The following PDE10A variants were observed in gnomAD, a reference collection of about 807,000 sequenced individuals.
PDE10A encodes cAMP and cAMP-inhibited cGMP 3',5'-cyclic phosphodiesterase 10A.
A neutral mutation model predicts 97.7 loss-of-function variants in PDE10A; 39 were observed. The ratio of observed to expected loss-of-function variants is 0.40; its 90% CI spans 0.31 to 0.52. The LOEUF is 0.52. Among genes scored for constraint, PDE10A ranks in the 20% least tolerant of loss-of-function variants. The pLI is 0.56. For missense variants in PDE10A, 731 were observed against 1,047.8 expected, an observed-to-expected ratio of 0.70 and a Z score of 4.17; for synonymous variants, 371 against 376.8, an observed-to-expected ratio of 0.98 and a Z score of 0.18.
At chr6:165,383,132 A>C (rs1785040666) in intron 17 of PDE10A, among the ~76,000 whole-genome samples, 1 of 152,204 alleles carries the variant, frequency 6.6e-6, no homozygotes, top group African/African-American at 2.4e-5. Flanking sequence ...ATCACATTTC[A>C]AAAGCAACAG....
At chr6:165,562,808 A>C (rs1784583883) in intron 1 of PDE10A, among the ~76,000 whole-genome samples, 1 of 152,104 alleles carries the variant, frequency 6.6e-6, no homozygotes. Flanking sequence ...CAGCTGGGAG[A>C]ATCTTTAGTC....
chr6:165,935,407 G>A (rs1426375302), intron 1 of PDE10A, among the ~76,000 whole-genome samples: 1 of 152,212 alleles, frequency 6.6e-6, no homozygotes. Context: ...TTGTCTTATA[G>A]CAAGTGGTAA....
chr6:165,839,016 G>A (rs1043355409), intron 1 of PDE10A, among the ~76,000 whole-genome samples: 2 of 152,192 alleles, frequency 1.3e-5, no homozygotes, highest in Admixed American at 1.3e-4. Flanking sequence ...GACATTTGTG[G>A]CTGTCCATGG....
chr6:165,931,711 G>A (rs555736789), intron 1 of PDE10A, among the ~76,000 whole-genome samples: 38 of 152,284 alleles, frequency 2.5e-4, no homozygotes, highest in Middle Eastern at 3.4e-3. Flanking sequence ...TGTGGAAAAG[G>A]TTCTACATGA....
chr6:165,719,948 T>C (rs1792124053), intron 1 of PDE10A, among the ~76,000 whole-genome samples: 1 of 152,184 alleles, frequency 6.6e-6, no homozygotes, highest in Non-Finnish European at 1.5e-5. Context: ...TAGCCAATAA[T>C]CATGATCTCA....
intron 1 of PDE10A, among the ~76,000 whole-genome samples, chr6:165,549,368 A>C (rs530956153): frequency 1.3e-4 from 20 of 152,306 alleles, no homozygotes; most frequent in Non-Finnish European, 8.8e-5. Flanking sequence ...TGTGTCACCC[A>C]GGCTGGAGTG....
At chr6:165,799,293 G>GT (rs1367565640) in intron 1 of PDE10A, among the ~76,000 whole-genome samples, 4 of 152,156 alleles carry the variant, frequency 2.6e-5, no homozygotes, top group African/African-American at 9.7e-5. Flanking sequence ...TACCCCACTG[G>GT]TTTTTACCTC....
At chr6:165,605,012 T>C (rs1190859869) in intron 1 of PDE10A, among the ~76,000 whole-genome samples, 8 of 152,242 alleles carry the variant, frequency 5.3e-5, no homozygotes, top group Non-Finnish European at 1.0e-4. Context: ...ACATTAGAAG[T>C]GTGGTAGCTC....
chr6:165,970,954 C>A (rs1325496804), intron 1 of PDE10A, among the ~76,000 whole-genome samples: 5 of 152,158 alleles, frequency 3.3e-5, no homozygotes, highest in African/African-American at 1.2e-4. Context: ...CGAGACCCAG[C>A]CTGGCCAACA....
chr6:165,841,422 G>A (rs558428299), intron 1 of PDE10A, among the ~76,000 whole-genome samples: 1 of 152,326 alleles, frequency 6.6e-6, no homozygotes, highest in South Asian at 2.1e-4. Context: ...TGTGGATGTT[G>A]CAGTTGGGGC....
At position 165,388,242 on chromosome 6, in the gene PDE10A, C is replaced by T; in HGVS notation, c.2610+56G>A. The T allele has an allele frequency of 6.5e-7, 1 of 1,530,162 alleles. No homozygotes were observed. Among genetic ancestry groups the T allele is most frequent in the African/African-American group, 1.4e-5 (1 of 73,258 alleles). The allele number at this position is 1,530,162 out of a possible 1,614,324, so 94.8% of individuals were successfully genotyped here. ...TCTTCCTTTTCCACCTATGAAGTAT[C>T]CCTATCTCCCAGACAGCCCTTCAGA... On this transcript the variant is annotated intron_variant, in intron 17 of 21. Coordinates refer to ENST00000539869, the MANE Select transcript of PDE10A (RefSeq NM_001385079.1). The surrounding 1 kb of genome is among the most constrained non-coding windows in gnomAD (Gnocchi z 4.0).
At chr6:165,613,955 C>A (rs1787610849) in intron 1 of PDE10A, among the ~76,000 whole-genome samples, 1 of 152,168 alleles carries the variant, frequency 6.6e-6, no homozygotes, top group Non-Finnish European at 1.5e-5. Context: ...CGCTGACAGT[C>A]ACGCATCATT....
chr6:165,779,062 T>A (rs940441241), intron 1 of PDE10A, among the ~76,000 whole-genome samples: 2 of 152,248 alleles, frequency 1.3e-5, no homozygotes, highest in Admixed American at 1.3e-4. Context: ...TTATGGGTAG[T>A]GCTTTTAGTT....
intron 1 of PDE10A, among the ~76,000 whole-genome samples, chr6:165,609,771 G>A (rs910003578): frequency 2.0e-4 from 31 of 152,256 alleles, no homozygotes; most frequent in African/African-American, 7.0e-4. Flanking sequence ...GCTTCAAAGA[G>A]AATAAAATAC....
At chr6:165,808,055 G>A (rs548890384) in intron 1 of PDE10A, among the ~76,000 whole-genome samples, 3 of 152,262 alleles carry the variant, frequency 2.0e-5, no homozygotes, top group East Asian at 3.9e-4. Context: ...GTGTGCAGCC[G>A]AATTTCTACG....
chr6:165,804,640 G>C (rs1466471250), intron 1 of PDE10A, among the ~76,000 whole-genome samples: 1 of 152,166 alleles, frequency 6.6e-6, no homozygotes, highest in East Asian at 1.9e-4. Context: ...AAACCCGGGG[G>C]CCTTGGCCTG....
chr6:165,519,320 AAG>A (rs1332990935), intron 2 of PDE10A, among the ~76,000 whole-genome samples: 1 of 152,170 alleles, frequency 6.6e-6, no homozygotes, highest in Non-Finnish European at 1.5e-5. Context: ...AAAAATCTAA[AAG>A]AGTTAGAATC....
chr6:165,900,733 C>T (rs1782080341), intron 1 of PDE10A, among the ~76,000 whole-genome samples: 1 of 152,196 alleles, frequency 6.6e-6, no homozygotes, highest in African/African-American at 2.4e-5. Flanking sequence ...AGTTTACTTC[C>T]CCCTTCTAGG....
At chr6:165,390,755 A>G (rs1360357052) in intron 16 of PDE10A, among the ~76,000 whole-genome samples, 2 of 152,176 alleles carry the variant, frequency 1.3e-5, no homozygotes, top group African/African-American at 4.8e-5. Flanking sequence ...TCTCACAGGT[A>G]CATTTTTAGC....
Sources: allele counts gnomAD v4.1 joint callset (sites outside exome capture counted in the v4.1 genomes callset), GRCh38; gene constraint gnomAD v4.1.1; non-coding constraint Gnocchi (gnomAD v3.1); transcripts MANE v1.5; gene names NCBI Gene and HGNC (gene_info 2026-07-23, HGNC 2026-07-21).